The following PI4KA variants were observed in gnomAD, a reference collection of about 807,000 sequenced individuals.
PI4KA encodes PI4-kinase alpha.
Under a neutral mutation model 271.4 loss-of-function variants are expected in PI4KA, and 122 were observed. The ratio of observed to expected loss-of-function variants is 0.45; its 90% CI spans 0.39 to 0.52. PI4KA has a LOEUF of 0.52. Among genes scored for constraint, PI4KA ranks in the 20% least tolerant of loss-of-function variants. The probability of loss-of-function intolerance (pLI) is 0.00; values close to 1 mark genes in which losing one functional copy is unlikely to be tolerated. For missense variants in PI4KA, 1,969 were observed against 2,769.1 expected, an observed-to-expected ratio of 0.71 and a Z score of 6.48; for synonymous variants, 1,041 against 1,078.8, an observed-to-expected ratio of 0.96 and a Z score of 0.69.
At chr22:20,781,669 T>A (rs1322530872) in intron 19 of PI4KA, among the ~76,000 whole-genome samples, 1 of 152,198 alleles carries the variant, frequency 6.6e-6, no homozygotes, top group African/African-American at 2.4e-5. Context: ...CTCCTGTGGG[T>A]GGAATCAAAG....
chr22:20,790,600 G>C (rs540411931), intron 19 of PI4KA, among the ~76,000 whole-genome samples: 118 of 151,918 alleles, frequency 7.8e-4, no homozygotes, highest in Non-Finnish European at 1.4e-3. Flanking sequence ...GATGGAAGTT[G>C]CAGTGAGCCA....
chr22:20,718,818 G>A lies in PI4KA; in HGVS notation c.5121C>T (p.Asp1707=). The A allele has an allele frequency of 1.2e-6, 2 of 1,613,838 alleles. No individual in the cohort carries two copies. Among genetic ancestry groups the A allele is most frequent in the Non-Finnish European group, 1.7e-6 (2 of 1,179,982 alleles). ...LDEEGHQKDP[D]IGDLLDQLVE... ...CCAACTGATCCAGGAGGTCGCCGAT[G>A]TCAGCTGCCAAGGAAGCAAAGAGGC... The change falls in exon 44 of 55, where the codon GAC becomes GAT. Residue 1707 remains aspartate, a synonymous_variant. Coordinates refer to ENST00000255882, the MANE Select transcript of PI4KA (RefSeq NM_058004.4).
Position 20,727,783 on chromosome 22 carries a change from T to A in PI4KA, c.4764A>T (p.Glu1588Asp). ...LDPGAVSDVP[E>D]AIKFLVTWHT... Reference sequence around the variant, plus strand: ...ACGTGGGCTACACTACCTTGATTGCTTCAGGCACATCACTAACGGCTCCCG... The same window carrying A: ...ACGTGGGCTACACTACCTTGATTGCATCAGGCACATCACTAACGGCTCCCG... Residue 1588 changes from glutamate (E) to aspartate (D), a missense_variant, in exon 40 of 55, where the codon GAA becomes GAT. Around this residue, in one of 13 missense-constraint regions of PI4KA, gnomAD observed 388 missense variants for 521.5 expected, o/e 0.74. Coordinates refer to ENST00000255882, the MANE Select transcript of PI4KA (RefSeq NM_058004.4). 1 of 1,613,658 alleles carries A rather than the reference T, an allele frequency of 6.2e-7. No homozygotes were observed. Among genetic ancestry groups the A allele is most frequent in the Non-Finnish European group, 8.5e-7 (1 of 1,179,580 alleles).
At chr22:20,833,401 G>A (rs1306125015) in intron 3 of PI4KA, among the ~76,000 whole-genome samples, 2 of 152,204 alleles carry the variant, frequency 1.3e-5, no homozygotes, top group African/African-American at 4.8e-5. Flanking sequence ...CTCATTGGCT[G>A]AGGCAGGGTG....
At position 20,796,859 on chromosome 22, in the gene PI4KA, A is replaced by G. The variant is rs1195142902; in HGVS notation, c.2109-545T>C. ...CTGCCTCAGGATCTTGGCTGGCCCA[A>G]TGTAAACCCCGGATGTGAAGCTGAC... is the stretch of plus-strand genomic sequence containing the variant. On this transcript the variant is annotated intron_variant, in intron 17 of 54. Coordinates refer to ENST00000255882, the MANE Select transcript of PI4KA (RefSeq NM_058004.4). Among the ~76,000 whole-genome samples the G allele has an allele frequency of 3.3e-5, 5 of 152,200 alleles. No individual in the cohort carries two copies. The East Asian group carries it at 5.8e-4, about 18-fold the overall frequency.
intron 23 of PI4KA, among the ~76,000 whole-genome samples, chr22:20,753,774 C>T (rs1930971881): frequency 6.6e-6 from 1 of 151,968 alleles, no homozygotes; most frequent in African/African-American, 2.4e-5. Context: ...GCAACCTCCG[C>T]CTCCTGGGTT....
chr22:20,751,380 C>A lies in PI4KA; in HGVS notation c.3070-4G>T. On this transcript the variant is annotated splice_region_variant and splice_polypyrimidine_tract_variant and intron_variant, in intron 26 of 54. Transcript: ENST00000255882. ...AAGGCTGATCCTTGTGAATATCCTG[C>A]AAGCACAGCAAGACTCCCTCTTCCA... The A allele has an allele frequency of 1.2e-6, 2 of 1,612,360 alleles. No individual in the cohort carries two copies. Among genetic ancestry groups the A allele is most frequent in the Non-Finnish European group, 1.7e-6 (2 of 1,178,918 alleles).
At chr22:20,733,580 A>C (rs533503298) in intron 35 of PI4KA, among the ~76,000 whole-genome samples, 156 bp downstream of exon 35, 127 of 151,410 alleles carry the variant, frequency 8.4e-4, no homozygotes, top group Admixed American at 5.8e-3. Flanking sequence ...AGGGTATTTA[A>C]ATCCACAGGG....
chr22:20,731,695 C>T (rs1469837956), intron 36 of PI4KA, among the ~76,000 whole-genome samples: 4 of 152,146 alleles, frequency 2.6e-5, no homozygotes, highest in African/African-American at 4.8e-5. Flanking sequence ...TTTGGGAGGC[C>T]GAGGTGGGCA....
intron 42 of PI4KA, chr22:20,721,620 C>A: frequency 1.7e-6 from 1 of 571,844 alleles, no homozygotes; most frequent in Non-Finnish European, 3.1e-6. Context: ...GGGCTGGGAC[C>A]TGGGGGGCAG....
At chr22:20,855,516 C>T (rs1354197491) in intron 1 of PI4KA, among the ~76,000 whole-genome samples, 1 of 152,102 alleles carries the variant, frequency 6.6e-6, no homozygotes, top group Non-Finnish European at 1.5e-5. Context: ...TAGTTGTACT[C>T]ATGGCTAAAT....
In PI4KA at chr22:20,858,671, A is replaced by AGCCGCC. The variant is rs1328947583; in HGVS notation, c.49_54dup (p.Gly17_Gly18dup). The AGCCGCC allele has an allele frequency of 9.4e-5, 138 of 1,469,900 alleles. No individual in the cohort carries two copies. Among genetic ancestry groups the AGCCGCC allele is most frequent in the African/African-American group, 3.3e-4 (21 of 62,834 alleles). The allele number at this position is 1,469,900 out of a possible 1,614,324, so 91.1% of individuals were successfully genotyped here. Reference sequence around the variant, plus strand: ...GAGGCGCTGGAGCCGGAGCCGGAGCAGCCGCCGCCGCCTCCGCCTCCGCCT... The same window carrying AGCCGCC: ...GAGGCGCTGGAGCCGGAGCCGGAGCAGCCGCCGCCGCCGCCGCCTCCGCCTCCGCCT... On this transcript the variant is annotated inframe_insertion, in exon 1 of 55. Transcript: ENST00000255882.
intron 19 of PI4KA, among the ~76,000 whole-genome samples, chr22:20,789,923 GTGAC>G (rs1342701545): frequency 2.0e-5 from 3 of 152,192 alleles, no homozygotes; most frequent in Admixed American, 6.5e-5. Flanking sequence ...GGCCACAAAA[GTGAC>G]TGGTGACACA....
chr22:20,720,818 T>C (rs538031848), intron 43 of PI4KA, among the ~76,000 whole-genome samples: 6 of 152,370 alleles, frequency 3.9e-5, no homozygotes, highest in African/African-American at 1.4e-4. Flanking sequence ...TAACATGTAA[T>C]GAATGGGCTT....
chr22:20,797,575 C>T (rs1473588051), intron 17 of PI4KA, among the ~76,000 whole-genome samples: 4 of 152,152 alleles, frequency 2.6e-5, no homozygotes, highest in African/African-American at 4.8e-5. Context: ...GGGCTCATGA[C>T]GGTGGCAGCA....
At chr22:20,738,998 C>G (rs540063155) in intron 32 of PI4KA, among the ~76,000 whole-genome samples, 8 of 136,844 alleles carry the variant, frequency 5.8e-5, no homozygotes, top group Admixed American at 1.5e-4. Flanking sequence ...GTCAGGAGAT[C>G]GAGACCATCC....
chr22:20,813,366 A>G lies in PI4KA; in HGVS notation c.997T>C (p.Leu333=). The G allele has an allele frequency of 1.9e-6, 3 of 1,613,442 alleles. No individual in the cohort carries two copies. The highest frequency in any genetic ancestry group is 2.5e-6 in the Non-Finnish European group (3 of 1,179,332). Residue 333 remains leucine, a synonymous_variant, in exon 8 of 55, where the codon TTA becomes CTA. Coordinates refer to ENST00000255882, the MANE Select transcript of PI4KA (RefSeq NM_058004.4). ...NIPLEMLREL[L]NLVKKIVEEA... ...ATCAGTTCTTTGCTTACCAGGTTTA[A>G]GAGTTCCCGAAGCATTTCCAATGGA... is the stretch of plus-strand genomic sequence containing the variant.
intron 23 of PI4KA, among the ~76,000 whole-genome samples, chr22:20,758,392 T>C (rs1434205572): frequency 3.3e-5 from 4 of 120,792 alleles, no homozygotes; most frequent in Non-Finnish European, 6.8e-5. Flanking sequence ...AAAAAAAACA[T>C]GAGATTCTGT....
In PI4KA at chr22:20,858,679, C is replaced by G. The variant is rs1029515735; in HGVS notation, c.47G>C (p.Gly16Ala). The G allele has an allele frequency of 2.1e-6, 3 of 1,439,728 alleles. No individual in the cohort carries two copies. The African/African-American group carries it at 5.7e-5, about 27-fold the overall frequency. 89.2% of individuals were successfully genotyped at this position (1,439,728 alleles called of 1,614,324 possible). A position where few individuals can be genotyped will look rare whatever the true frequency, so the allele number is the denominator to read the frequency against. ...GGAGCCGGAGCCGGAGCAGCCGCCG[C>G]CGCCTCCGCCTCCGCCTCCGCCTCC... Reference protein sequence around the residue: ...ARGGGGGGGGGGGCSGSGSSA... With the variant: ...ARGGGGGGGGAGGCSGSGSSA... The change falls in exon 1 of 55, where the codon GGC (glycine) becomes GCC (alanine). Residue 16 changes from glycine to alanine, a missense_variant. Coordinates refer to ENST00000255882, the MANE Select transcript of PI4KA (RefSeq NM_058004.4).
Sources: gnomAD v4.1 joint callset for allele counts (sites outside exome capture counted in the v4.1 genomes callset) on GRCh38, gnomAD v4.1.1 for gene constraint, gnomAD v4.1.1 regional missense constraint, MANE v1.5 for transcripts, NCBI Gene and HGNC (gene_info 2026-07-23, HGNC 2026-07-21) for gene names.